AIG1: variants seen among roughly 807,000 people sequenced by gnomAD.
AIG1 encodes the protein androgen induced 1, also known as androgen-induced gene 1 protein.
Under a neutral mutation model 31.4 loss-of-function variants are expected in AIG1, and 23 were observed. The observed-to-expected ratio is 0.73, with a 90% CI of 0.53 to 1.04. The LOEUF is 1.04. AIG1 is among the 50% of genes least tolerant of loss of function. The pLI is 0.00. For synonymous variants in AIG1, 100 were observed against 110.5 expected, an observed-to-expected ratio of 0.90 and a Z score of 0.60; for missense variants, 274 against 295.0, an observed-to-expected ratio of 0.93 and a Z score of 0.52.
intron 2 of AIG1, among the ~76,000 whole-genome samples, 168 bp downstream of exon 2, chr6:143,137,158 G>A (rs983111806): frequency 1.3e-5 from 2 of 152,154 alleles, no homozygotes; most frequent in Non-Finnish European, 2.9e-5. Flanking sequence ...TTATTTTCTC[G>A]TAGTTCTGGA....
intron 2 of AIG1, among the ~76,000 whole-genome samples, chr6:143,155,843 T>G (rs1262103118): frequency 6.6e-6 from 1 of 152,076 alleles, no homozygotes. Context: ...AAAGGAAGTT[T>G]GATTTTTTGT....
intron 1 of AIG1, among the ~76,000 whole-genome samples, chr6:143,117,399 C>T (rs1781830432): frequency 6.6e-6 from 1 of 152,102 alleles, no homozygotes; most frequent in South Asian, 2.1e-4. Flanking sequence ...AGATGTGGTG[C>T]ACAGGGTCAG....
At chr6:143,178,804 C>A (rs1788438377) in intron 3 of AIG1, among the ~76,000 whole-genome samples, 1 of 152,198 alleles carries the variant, frequency 6.6e-6, no homozygotes, top group Non-Finnish European at 1.5e-5. Flanking sequence ...ATACTGTAGG[C>A]CTGGCTGCCT....
At chr6:143,332,711 A>T (rs1777176825) in intron 4 of AIG1, among the ~76,000 whole-genome samples, 1 of 152,240 alleles carries the variant, frequency 6.6e-6, no homozygotes, top group Admixed American at 6.5e-5. Flanking sequence ...TGTAAAGAAG[A>T]GATTTAAAAG....
At chr6:143,162,439 C>G (rs1786469585) in intron 2 of AIG1, among the ~76,000 whole-genome samples, 1 of 152,166 alleles carries the variant, frequency 6.6e-6, no homozygotes, top group African/African-American at 2.4e-5. Flanking sequence ...TTAAAGCAGT[C>G]ATAACAATTT....
rs1400017703 is a variant in AIG1 at position 143,280,497 on chromosome 6, T to C, written c.400-3613T>C. ...AAATGCCTATCAGTGACAGATTGGA[T>C]AAGGAAAATGTGGTACCTGTACACC... On this transcript the variant is annotated intron_variant, in intron 3 of 5. Transcript: ENST00000357847. This position sits in a 1 kb window ranked among gnomAD's most constrained non-coding sequence, Gnocchi z 4.1. 6.6e-6 allele frequency among the ~76,000 whole-genome samples: 1 copy of C among 152,088 alleles called. No homozygotes were observed. Among genetic ancestry groups the C allele is most frequent in the Non-Finnish European group, 1.5e-5 (1 of 68,020 alleles).
At chr6:143,254,451 A>G (rs1250848825) in intron 3 of AIG1, among the ~76,000 whole-genome samples, 1 of 152,194 alleles carries the variant, frequency 6.6e-6, no homozygotes, top group Non-Finnish European at 1.5e-5. Flanking sequence ...ACCGCGAGGC[A>G]AAGTCCTAGA....
Position 143,299,215 on chromosome 6 carries a change from G to A in AIG1, c.515+14990G>A, listed in dbSNP as rs756242874. On this transcript the variant is annotated intron_variant, in intron 4 of 5. Transcript: ENST00000357847. This position sits in a 1 kb window ranked among gnomAD's most constrained non-coding sequence, Gnocchi z 4.1. ...TAGCTCCTGTTTGACATCCAGGACA[G>A]AGCAGTACCACTTCTCCTTAGCATC... 6.6e-6 allele frequency: 1 copy of A among 152,176 alleles called. No individual in the cohort carries two copies. Among genetic ancestry groups the A allele is most frequent in the Non-Finnish European group, 1.5e-5 (1 of 68,042 alleles). The allele number at this position is 152,176 out of a possible 1,614,324, so 9.4% of individuals were successfully genotyped here.
At chr6:143,307,870 T>C (rs1359644919) in intron 4 of AIG1, among the ~76,000 whole-genome samples, 1 of 152,234 alleles carries the variant, frequency 6.6e-6, no homozygotes, top group Non-Finnish European at 1.5e-5. Flanking sequence ...CAGTTCAAGC[T>C]TCCCAGCTGC....
chr6:143,212,123 A>G (rs1791641597), intron 3 of AIG1, among the ~76,000 whole-genome samples: 2 of 152,080 alleles, frequency 1.3e-5, no homozygotes. Flanking sequence ...CCCTCTTTCT[A>G]CAATTTGTGA....
chr6:143,100,788 G>A (rs752973079), intron 1 of AIG1, among the ~76,000 whole-genome samples: 2 of 151,762 alleles, frequency 1.3e-5, no homozygotes, highest in Non-Finnish European at 2.9e-5. Flanking sequence ...AGGTTCAAGC[G>A]ATTCTCCTGC....
At chr6:143,182,853 T>C (rs889292022) in intron 3 of AIG1, among the ~76,000 whole-genome samples, 3 of 152,222 alleles carry the variant, frequency 2.0e-5, no homozygotes, top group African/African-American at 7.2e-5. Flanking sequence ...TGTTCTCTTT[T>C]TCTCTCATTC....
chr6:143,257,751 A>G (rs1286500719), intron 3 of AIG1, among the ~76,000 whole-genome samples: 4 of 152,162 alleles, frequency 2.6e-5, no homozygotes, highest in Non-Finnish European at 4.4e-5. Context: ...TCAGCGCATC[A>G]TTGTTGGGTC....
chr6:143,114,889 G>A (rs533852132), intron 1 of AIG1, among the ~76,000 whole-genome samples: 1 of 152,198 alleles, frequency 6.6e-6, no homozygotes, highest in Non-Finnish European at 1.5e-5. Flanking sequence ...GTCCTGGCTC[G>A]TGGAGTTGTT....
chr6:143,202,112 G>A (rs753562852), intron 3 of AIG1, among the ~76,000 whole-genome samples: 2 of 152,048 alleles, frequency 1.3e-5, no homozygotes, highest in Admixed American at 6.5e-5. Context: ...CTCTTATATC[G>A]TGTTGCCGAG....
chr6:143,232,984 C>G (rs1793553903), intron 3 of AIG1, among the ~76,000 whole-genome samples: 1 of 152,144 alleles, frequency 6.6e-6, no homozygotes, highest in African/African-American at 2.4e-5. Context: ...CTATGCTAGT[C>G]CCCCTGAGCC....
chr6:143,284,898 ATTT>A lies in AIG1; in HGVS notation c.515+674_515+676del, dbSNP rs1797585901. Among the ~76,000 whole-genome samples, 2 of 152,188 alleles carry A rather than the reference ATTT, an allele frequency of 1.3e-5. No individual in the cohort carries two copies. On this transcript the variant is annotated intron_variant, in intron 4 of 5. Coordinates refer to ENST00000357847, the MANE Select transcript of AIG1 (RefSeq NM_016108.4). The surrounding 1 kb of genome is among the most constrained non-coding windows in gnomAD (Gnocchi z 4.4). ...TCAGGTTTTTAACACTTCAAAAATT[ATTT>A]ATCTTAACATAGAGAATTTCTTATT...
intron 1 of AIG1, among the ~76,000 whole-genome samples, chr6:143,093,844 A>C (rs1779520553): frequency 6.6e-6 from 1 of 152,200 alleles, no homozygotes; most frequent in Admixed American, 6.5e-5. Flanking sequence ...GAGCAGTCAA[A>C]ACACACACAA....
intron 3 of AIG1, among the ~76,000 whole-genome samples, chr6:143,236,745 C>T (rs1429295070): frequency 6.6e-6 from 1 of 152,182 alleles, no homozygotes; most frequent in African/African-American, 2.4e-5. Context: ...AAAAACGCCA[C>T]CCCCCAACTA....
Sources: allele counts gnomAD v4.1 joint callset (sites outside exome capture counted in the v4.1 genomes callset), GRCh38; gene constraint gnomAD v4.1.1; non-coding constraint Gnocchi (gnomAD v3.1); transcripts MANE v1.5; gene names NCBI Gene and HGNC (gene_info 2026-07-23, HGNC 2026-07-21).